The following NPIPB2 variants were observed in gnomAD, a reference collection of about 807,000 sequenced individuals.
The protein encoded by NPIPB2 is nuclear pore complex interacting protein family member B2, also known as nuclear pore complex-interacting protein family member B2.
A neutral mutation model predicts 30.8 loss-of-function variants in NPIPB2; 27 were observed. That is an observed-to-expected ratio of 0.88 (90% CI 0.65 to 1.21). The LOEUF (loss-of-function observed/expected upper bound fraction) is 1.21. Among genes scored for constraint, NPIPB2 ranks in the 50% most tolerant of loss-of-function variants. The pLI is 0.00. For missense variants in NPIPB2, 440 were observed against 446.2 expected (o/e 0.99, Z 0.13); for synonymous variants, 147 against 162.0 (o/e 0.91, Z 0.70).
intron 1 of NPIPB2, chr16:11,956,214 C>G (rs2055111275): frequency 6.6e-6 from 1 of 152,232 alleles, no homozygotes; most frequent in African/African-American, 2.4e-5. Context: ...AACACTCAGG[C>G]AGGGAAACTG....
intron 1 of NPIPB2, among the ~76,000 whole-genome samples, chr16:11,974,560 T>C (rs1244186656): frequency 2.0e-5 from 3 of 151,986 alleles, no homozygotes; most frequent in Non-Finnish European, 2.9e-5. Flanking sequence ...TATGGATCAA[T>C]TGAGTAAGTC....
At chr16:11,956,673 C>G (rs1045378021) in intron 1 of NPIPB2, among the ~76,000 whole-genome samples, 4 of 152,126 alleles carry the variant, frequency 2.6e-5, no homozygotes, top group Non-Finnish European at 5.9e-5. Context: ...GAGACTCTGT[C>G]TCAAAAGAAA....
chr16:11,950,067 GCT>G (rs1156826340), intron 1 of NPIPB2, among the ~76,000 whole-genome samples: 1 of 151,802 alleles, frequency 6.6e-6, no homozygotes, highest in Non-Finnish European at 1.5e-5. Flanking sequence ...ATGGAGTCTC[GCT>G]CTGTCACCCA....
chr16:11,965,500 T>C, intron 1 of NPIPB2: 3 of 1,597,176 alleles, frequency 1.9e-6, no homozygotes, highest in Non-Finnish European at 2.6e-6. Context: ...TGAACTATTC[T>C]GTCTATATGG....
At chr16:11,956,675 C>CAAAAG (rs745400644) in intron 1 of NPIPB2, among the ~76,000 whole-genome samples, 68 of 152,214 alleles carry the variant, frequency 4.5e-4, no homozygotes, top group Middle Eastern at 6.8e-3. Context: ...GACTCTGTCT[C>CAAAAG]AAAAGAAAAG....
At chr16:11,948,789 A>G (rs111836379) in intron 1 of NPIPB2, among the ~76,000 whole-genome samples, 1 of 149,826 alleles carries the variant, frequency 6.7e-6, no homozygotes, top group African/African-American at 2.4e-5. Flanking sequence ...AAAAAAAAAA[A>G]AAAAGAAAGA....
chr16:11,946,264 A>G (rs576383158), upstream of NPIPB2, among the ~76,000 whole-genome samples: 1 of 151,728 alleles, frequency 6.6e-6, no homozygotes, highest in African/African-American at 2.4e-5. Context: ...ACATGCCTAT[A>G]ATCCCAGCTA....
At chr16:11,947,371 G>GGA (rs2055022314) in intron 1 of NPIPB2, among the ~76,000 whole-genome samples, 1 of 149,166 alleles carries the variant, frequency 6.7e-6, no homozygotes, top group African/African-American at 2.4e-5. Flanking sequence ...GAGAGATGGA[G>GGA]TCTCGCTCTG....
At chr16:11,941,885 G>A (rs941997378) in intron 1 of NPIPB2, 98 bp downstream of exon 1, 60 of 915,456 alleles carry the variant, frequency 6.6e-5, no homozygotes, top group Non-Finnish European at 9.9e-5. Context: ...GCTTCTGGGC[G>A]CTCCTTCCTT....
chr16:11,964,109 G>A (rs2150938669), intron 1 of NPIPB2: 1 of 151,718 alleles, frequency 6.6e-6, no homozygotes, highest in Middle Eastern at 3.4e-3. Flanking sequence ...TATCTATCTA[G>A]AATTCAGGGA....
chr16:11,941,773 C>T, intron 1 of NPIPB2: 2 of 1,076,640 alleles, frequency 1.9e-6, no homozygotes, highest in Non-Finnish European at 1.4e-6. Context: ...TTCCAATGAC[C>T]CCTCCCCCAT....
chr16:11,971,873 G>T (rs1027042232), intron 1 of NPIPB2, among the ~76,000 whole-genome samples: 1 of 152,126 alleles, frequency 6.6e-6, no homozygotes, highest in Non-Finnish European at 1.5e-5. Context: ...TCAGCCAGGC[G>T]TAGTGGCTCT....
At chr16:11,965,345 G>C in intron 1 of NPIPB2, 1 of 1,614,200 alleles carries the variant, frequency 6.2e-7, no homozygotes, top group South Asian at 1.1e-5. Flanking sequence ...TGGCTGGGCA[G>C]TGCTCCCAAA....
At chr16:11,964,354 C>G (rs1402179168) in intron 1 of NPIPB2, among the ~76,000 whole-genome samples, 1 of 152,032 alleles carries the variant, frequency 6.6e-6, no homozygotes, top group African/African-American at 2.4e-5. Flanking sequence ...CCCTAAATGT[C>G]TCTTTTTCTG....
chr16:11,951,943 A>C (rs36023012), intron 1 of NPIPB2, among the ~76,000 whole-genome samples: 189 of 152,220 alleles, frequency 1.2e-3, no homozygotes, highest in South Asian at 5.0e-3. Context: ...GCGGACCACA[A>C]GGTCAGGAGA....
chr16:11,945,445 G>C (rs1276085587), upstream of NPIPB2, among the ~76,000 whole-genome samples: 1 of 151,848 alleles, frequency 6.6e-6, no homozygotes, highest in African/African-American at 2.4e-5. Context: ...AGGCTGGGGT[G>C]GGTGGATCAC....
At chr16:11,952,438 T>C (rs549007117) in intron 1 of NPIPB2, among the ~76,000 whole-genome samples, 4 of 152,144 alleles carry the variant, frequency 2.6e-5, no homozygotes, top group South Asian at 2.1e-4. Flanking sequence ...TGAATCTATA[T>C]GAAAGAATCT....
intron 1 of NPIPB2, among the ~76,000 whole-genome samples, chr16:11,975,636 G>C (rs1033090584): frequency 1.3e-5 from 2 of 151,868 alleles, no homozygotes; most frequent in Non-Finnish European, 2.9e-5. Context: ...TGTCACCCAG[G>C]CTGGAGTGCA....
chr16:11,937,335 A>G (rs1421409285), intron 2 of NPIPB2, among the ~76,000 whole-genome samples: 3 of 152,248 alleles, frequency 2.0e-5, no homozygotes, highest in Non-Finnish European at 2.9e-5. Context: ...CTCTGTTGAC[A>G]TTCTATTAAA....
Sources: allele counts gnomAD v4.1 joint callset (sites outside exome capture counted in the v4.1 genomes callset), GRCh38; gene constraint gnomAD v4.1.1; transcripts MANE v1.5; gene names NCBI Gene and HGNC (gene_info 2026-07-23, HGNC 2026-07-21).